Variants in SLC19A1 observed in about 807,000 individuals in gnomAD.
SLC19A1 encodes solute carrier family 19 member 1, also known as reduced folate transporter.
SLC19A1 carries 37 observed loss-of-function variants against 35.3 expected under a neutral mutation model. The observed-to-expected ratio is 1.05, with a 90% CI of 0.81 to 1.38. The LOEUF (loss-of-function observed/expected upper bound fraction) is 1.38, where lower values mean the gene tolerates loss of function less well. SLC19A1 is among the 40% of genes most tolerant of loss of function. The probability of loss-of-function intolerance (pLI) is 0.00; values close to 1 mark genes in which losing one functional copy is unlikely to be tolerated. For synonymous variants in SLC19A1, 460 were observed against 398.5 expected (o/e 1.15, Z -1.84); for missense variants, 831 against 826.9 (o/e 1.00, Z -0.06).
chr21:45,512,039 C>T (rs2037640724), downstream of SLC19A1: 3 of 815,046 alleles, frequency 3.7e-6, no homozygotes, highest in Admixed American at 2.1e-5. Flanking sequence ...AGCAGGGAGG[C>T]CATGTGGCCC....
chr21:45,530,707 C>G lies in SLC19A1; in HGVS notation c.1151+63G>C. The G allele has an allele frequency of 2.0e-6, 3 of 1,496,982 alleles. No homozygotes were observed. The highest frequency in any genetic ancestry group is 2.7e-6 in the Non-Finnish European group (3 of 1,107,668). The allele number at this position is 1,496,982 out of a possible 1,614,324, so 92.7% of individuals were successfully genotyped here. A position where few individuals can be genotyped will look rare whatever the true frequency, so the allele number is the denominator to read the frequency against. On this transcript the variant is annotated intron_variant, in intron 4 of 5. Coordinates refer to ENST00000311124, the MANE Select transcript of SLC19A1 (RefSeq NM_194255.4). The surrounding 1 kb of genome is among the most constrained non-coding windows in gnomAD (Gnocchi z 5.3). ...GCAGCAGGAAGGTGGGAGCACCCAGCGAAGCGCGGGGCTTGATCCTGGCGC... is the reference window on the plus strand; with the variant it reads ...GCAGCAGGAAGGTGGGAGCACCCAGGGAAGCGCGGGGCTTGATCCTGGCGC...
chr21:45,529,342 A>C (rs1176093693), intron 4 of SLC19A1, among the ~76,000 whole-genome samples: 2 of 152,208 alleles, frequency 1.3e-5, no homozygotes, highest in Non-Finnish European at 2.9e-5. Context: ...CTCTCAGCTC[A>C]AACAGGCTCG....
chr21:45,539,073 G>C (rs2078224542), intron 1 of SLC19A1, among the ~76,000 whole-genome samples: 1 of 152,240 alleles, frequency 6.6e-6, no homozygotes, highest in Non-Finnish European at 1.5e-5. Context: ...TCAGAATCAT[G>C]TCTCCAGGTG....
At chr21:45,548,746 AAAAT>A (rs373623667), upstream of SLC19A1, among the ~76,000 whole-genome samples, 883 of 152,212 alleles carry the variant, frequency 5.8e-3, 12 homozygotes, top group African/African-American at 0.02. Context: ...TCTGTCTAAA[AAAAT>A]AAATAAATAA....
chr21:45,504,203 C>G, intron 3 of SLC19A1: 1 of 994,306 alleles, frequency 1.0e-6, no homozygotes, highest in Non-Finnish European at 1.6e-6. Context: ...TCGAGGGCGT[C>G]CCTCAGGATG....
Position 45,517,923 on chromosome 21 carries a change from C to T in SLC19A1, c.1294-1783G>A, listed in dbSNP as rs901651347. Among the ~76,000 whole-genome samples the T allele has an allele frequency of 2.0e-5, 3 of 152,184 alleles. No individual in the cohort carries two copies. The highest frequency in any genetic ancestry group is 7.2e-5 in the African/African-American group (3 of 41,446). On this transcript the variant is annotated intron_variant, in intron 5 of 5. Coordinates refer to ENST00000311124, the MANE Select transcript of SLC19A1 (RefSeq NM_194255.4). This position sits in a 1 kb window ranked among gnomAD's most constrained non-coding sequence, Gnocchi z 4.4. ...CACCCCGCTTGACCTGCAGGAGTTG[C>T]GTCAGCCACAACAGGATGCTGAAAT...
chr21:45,537,719 T>TGGGGGGGGCGC, intron 2 of SLC19A1, 52 bp downstream of exon 2: 1 of 319,776 alleles, frequency 3.1e-6, no homozygotes, highest in Non-Finnish European at 5.6e-6. Flanking sequence ...CAGACGCTGC[T>TGGGGGGGGCGC]CCCCGCCCAC....
rs1260161567 is a variant in SLC19A1, at chr21:45,533,254, C to G, written c.190-1106G>C. ...GGCCTGGCTTCCATGCCTGTGGCCT[C>G]AACACACATCCACCTTCCATGGGAA... On this transcript the variant is annotated intron_variant, in intron 2 of 5. Transcript: ENST00000311124. The surrounding 1 kb of genome is among the most constrained non-coding windows in gnomAD (Gnocchi z 4.5). Among the ~76,000 whole-genome samples, 2 of 150,528 alleles carry G rather than the reference C, an allele frequency of 1.3e-5. No individual in the cohort carries two copies. The highest frequency in any genetic ancestry group is 3.0e-5 in the Non-Finnish European group (2 of 67,470).
chr21:45,557,835 G>T (rs2078578784), intron 1 of SLC19A1, among the ~76,000 whole-genome samples: 1 of 152,220 alleles, frequency 6.6e-6, no homozygotes, highest in Admixed American at 6.5e-5. Context: ...GTTGCGGAGG[G>T]GAAGCAGGTG....
At chr21:45,503,274 G>A (rs1195619667) in intron 3 of SLC19A1, among the ~76,000 whole-genome samples, 2 of 117,674 alleles carry the variant, frequency 1.7e-5, no homozygotes, top group East Asian at 4.6e-4. Context: ...TAACTGGTGT[G>A]AGATGGTATC....
rs752904594 is a variant in SLC19A1 at position 45,505,872 on chromosome 21, G to T, written c.498-7260C>A. ...TGGGCTACACGCCAGGCCATGCTGGGCCAGGTGCACGAGGTTCCCGAGGGC... is the reference window on the plus strand; with the variant it reads ...TGGGCTACACGCCAGGCCATGCTGGTCCAGGTGCACGAGGTTCCCGAGGGC... On this transcript the variant is annotated intron_variant, in intron 3 of 4. Transcript: ENST00000417954. 3.1e-6 allele frequency: 5 copies of T among 1,611,224 alleles called. No homozygotes were observed. The South Asian group carries it at 3.3e-5, about 11-fold the overall frequency.
In SLC19A1 at chr21:45,516,127, G is replaced by C. The variant is rs779849649; in HGVS notation, c.1307C>G (p.Ser436Cys). Residue 436 changes from serine to cysteine, a missense_variant, in exon 6 of 6, where the codon TCC becomes TGC. Ser to Cys is a moderately radical substitution (Grantham distance 112). Transcript: ENST00000311124. ...GATGGACAGGATCAGGAAGTACACGGAGTATAACTGGAACTGGAAAGAGAG... is the reference window on the plus strand; with the variant it reads ...GATGGACAGGATCAGGAAGTACACGCAGTATAACTGGAACTGGAAAGAGAG... ...LPVRKQFQLY[S>C]VYFLILSIIY... 6.2e-7 allele frequency: 1 copy of C among 1,608,272 alleles called. No homozygotes were observed. The highest frequency in any genetic ancestry group is 1.3e-5 in the African/African-American group (1 of 74,904).
Position 45,505,331 on chromosome 21 carries a change from G to A in SLC19A1, c.498-6719C>T, listed in dbSNP as rs371003719. The A allele has an allele frequency of 1.9e-6, 3 of 1,596,590 alleles. No homozygotes were observed. In the African/African-American group the frequency reaches 4.0e-5, roughly 21 times the overall value. ...CAGAGGCCGCCTCGTGTGGCTTCGT[G>A]TTCCCACCTTGGTTTCTCTCCTGCA... On this transcript the variant is annotated intron_variant, in intron 3 of 4. Coordinates refer to the SLC19A1 transcript ENST00000417954.
At position 45,531,336 on chromosome 21, in the gene SLC19A1, G is replaced by T. The variant is rs913418640; in HGVS notation, c.949+53C>A. ...GGGAAGGATCCACGGGGCAGGCGGAGGTGGACGGGAAGCCTCTGCGGGAAG... is the reference window on the plus strand; with the variant it reads ...GGGAAGGATCCACGGGGCAGGCGGATGTGGACGGGAAGCCTCTGCGGGAAG... On this transcript the variant is annotated intron_variant, in intron 3 of 5. Coordinates refer to ENST00000311124, the MANE Select transcript of SLC19A1 (RefSeq NM_194255.4). 3.3e-6 allele frequency: 5 copies of T among 1,534,244 alleles called. No individual in the cohort carries two copies. In the Admixed American group the frequency reaches 8.1e-5, roughly 25 times the overall value.
chr21:45,506,368 C>T lies in SLC19A1; in HGVS notation c.498-7756G>A, dbSNP rs139595039. 1.9e-3 allele frequency: 680 copies of T among 350,958 alleles called. 2 individuals carry two copies. The highest frequency in any genetic ancestry group is 0.012 in the African/African-American group (575 of 46,940). The allele number at this position is 350,958 out of a possible 1,614,324, so 21.7% of individuals were successfully genotyped here. ...GCCCCGGCTGGGGGGCAGGCTGTCCCGTGGCTCTGCACCCCGCGTTATAAA... is the reference window on the plus strand; with the variant it reads ...GCCCCGGCTGGGGGGCAGGCTGTCCTGTGGCTCTGCACCCCGCGTTATAAA... On this transcript the variant is annotated intron_variant, in intron 3 of 4. Coordinates refer to the SLC19A1 transcript ENST00000417954.
rs1182321571 is a variant in SLC19A1, at chr21:45,542,365, T to C, written c.-50+3A>G. 1 of 151,300 alleles carries C rather than the reference T, an allele frequency of 6.6e-6. No homozygotes were observed. The highest frequency in any genetic ancestry group is 2.4e-5 in the African/African-American group (1 of 41,228). 9.4% of individuals were successfully genotyped at this position (151,300 alleles called of 1,614,324 possible). On this transcript the variant is annotated splice_donor_region_variant and intron_variant, in intron 1 of 5. Transcript: ENST00000311124. ...GCCCCGTGGCCCCGTTCCCCACCGG[T>C]ACCTGCGACTCGGCGGGGCGGCTGC...
At position 45,531,940 on chromosome 21, in the gene SLC19A1, C is replaced by T. The variant is rs752866197; in HGVS notation, c.398G>A (p.Arg133His). ...GAAGATGTAGGAGGAATAGGCGATG[C>T]GCGCGGCCATGGTGACGCTGTAGAA... is the stretch of plus-strand genomic sequence containing the variant. Reference protein sequence around the residue: ...ELFYSVTMAARIAYSSYIFSL... With the variant: ...ELFYSVTMAAHIAYSSYIFSL... Residue 133 changes from arginine to histidine, a missense_variant, in exon 3 of 6, where the codon CGC becomes CAC. By Grantham distance (29) the Arg-to-His change is conservative (BLOSUM62 0). Transcript: ENST00000311124. The T allele has an allele frequency of 4.4e-6, 7 of 1,602,346 alleles. No individual in the cohort carries two copies. The highest frequency in any genetic ancestry group is 5.1e-6 in the Non-Finnish European group (6 of 1,175,366).
downstream of SLC19A1, chr21:45,509,549 C>A (rs1426639801): frequency 6.5e-7 from 1 of 1,536,362 alleles, no homozygotes; most frequent in South Asian, 1.2e-5. Flanking sequence ...CACCTGCGGC[C>A]GGCGCGACCC....
intron 1 of SLC19A1, among the ~76,000 whole-genome samples, chr21:45,553,075 G>A (rs545911767): frequency 5.5e-4 from 84 of 152,256 alleles, no homozygotes; most frequent in African/African-American, 2.0e-3. Flanking sequence ...GGCGGCAGGT[G>A]GCCAGGCTCA....
Sources: allele counts gnomAD v4.1 joint callset (sites outside exome capture counted in the v4.1 genomes callset), GRCh38; gene constraint gnomAD v4.1.1; non-coding constraint Gnocchi (gnomAD v3.1); transcripts MANE v1.5; gene names NCBI Gene and HGNC (gene_info 2026-07-23, HGNC 2026-07-21).